Variants in SIGLEC6 observed in about 807,000 individuals in gnomAD.
The protein encoded by SIGLEC6 is sialic acid binding Ig like lectin 6.
In SIGLEC6, 31 loss-of-function variants were observed where a neutral mutation model predicts 41.4. That is an observed-to-expected ratio of 0.75 (90% confidence interval 0.56 to 1.01). SIGLEC6 has a LOEUF of 1.01. Ranked by LOEUF, SIGLEC6 falls within the 50% of genes least tolerant of loss-of-function variation. The probability of loss-of-function intolerance (pLI) is 0.00; values close to 1 mark genes in which losing one functional copy is unlikely to be tolerated. For synonymous variants in SIGLEC6, 217 were observed against 231.0 expected (o/e 0.94, Z 0.55); for missense variants, 555 against 558.6 (o/e 0.99, Z 0.06).
chr19:51,525,933 G>C (rs992044004), intron 7 of SIGLEC6, among the ~76,000 whole-genome samples: 1 of 152,032 alleles, frequency 6.6e-6, no homozygotes, highest in African/African-American at 2.4e-5. Context: ...CAAAGAGCCT[G>C]ATTTATTTGG....
intron 7 of SIGLEC6, among the ~76,000 whole-genome samples, chr19:51,524,119 G>A (rs1978789599): frequency 6.6e-6 from 1 of 152,122 alleles, no homozygotes; most frequent in Non-Finnish European, 1.5e-5. Flanking sequence ...GAGCAATCTG[G>A]TAGAATTAAA....
intron 4 of SIGLEC6, 76 bp from the exon 5 acceptor site, chr19:51,530,057 G>A: frequency 4.0e-6 from 6 of 1,486,944 alleles, no homozygotes; most frequent in Non-Finnish European, 5.4e-6. Flanking sequence ...CTCCTGTGGG[G>A]TCCACACTAG....
intron 7 of SIGLEC6, among the ~76,000 whole-genome samples, chr19:51,523,234 A>G (rs1257284449): frequency 1.3e-5 from 2 of 152,224 alleles, no homozygotes; most frequent in Non-Finnish European, 2.9e-5. Flanking sequence ...CGGCAGAAGA[A>G]AATAGCAATG....
rs1980392885 is a variant in SIGLEC6 at position 51,531,498 on chromosome 19, C to G, written c.89G>C (p.Arg30Thr). ...TGACTCTGGCCCCTCCAGCTGGAAT[C>G]TCCGCTCCTGAGCCAGGGCCCCTAT... ...LWAGALAQER[R>T]FQLEGPESLT... Residue 30 changes from arginine (R) to threonine (T), a missense_variant, in exon 2 of 8, where the codon AGA (arginine) becomes ACA (threonine). Coordinates refer to ENST00000425629, the MANE Select transcript of SIGLEC6 (RefSeq NM_001245.7). The G allele has an allele frequency of 6.2e-7, 1 of 1,613,856 alleles. No homozygotes were observed. The highest frequency in any genetic ancestry group is 8.5e-7 in the Non-Finnish European group (1 of 1,179,866).
chr19:51,531,566 C>A lies in SIGLEC6; in HGVS notation c.67+16G>T. On this transcript the variant is annotated intron_variant, in intron 1 of 7. Coordinates refer to ENST00000425629, the MANE Select transcript of SIGLEC6 (RefSeq NM_001245.7). ...CTCGGCCCAGCCCCACGGCACCTCTCCCCTGGCCCACTCACCTGCCCACAG... is the reference window on the plus strand; with the variant it reads ...CTCGGCCCAGCCCCACGGCACCTCTACCCTGGCCCACTCACCTGCCCACAG... 1.2e-6 allele frequency: 2 copies of A among 1,613,976 alleles called. No individual in the cohort carries two copies. The highest frequency in any genetic ancestry group is 1.7e-6 in the Non-Finnish European group (2 of 1,179,924).
intron 7 of SIGLEC6, among the ~76,000 whole-genome samples, chr19:51,522,812 GA>G: frequency 6.6e-6 from 1 of 151,982 alleles, no homozygotes; most frequent in East Asian, 1.9e-4. Flanking sequence ...AAACTTAAAG[GA>G]AAACAGAACA....
At chr19:51,530,293 G>T in intron 4 of SIGLEC6, 144 bp downstream of exon 4, 1 of 788,098 alleles carries the variant, frequency 1.3e-6, no homozygotes, top group Non-Finnish European at 2.0e-6. Context: ...CCGAAGAGGC[G>T]ACAAAGGCTG....
At chr19:51,522,199 G>A (rs1978389078) in intron 7 of SIGLEC6, among the ~76,000 whole-genome samples, 1 of 152,230 alleles carries the variant, frequency 6.6e-6, no homozygotes. Flanking sequence ...CTGGAATGAA[G>A]GCAAATATAA....
Position 51,528,287 on chromosome 19 carries a change from A to T in SIGLEC6, c.1013-34T>A, listed in dbSNP as rs199874160. 1.9e-6 allele frequency: 3 copies of T among 1,568,616 alleles called. No individual in the cohort carries two copies. In the African/African-American group the frequency reaches 4.0e-5, roughly 21 times the overall value. On this transcript the variant is annotated intron_variant, in intron 5 of 7. Coordinates refer to ENST00000425629, the MANE Select transcript of SIGLEC6 (RefSeq NM_001245.7). ...TGAATTTTAAGTGAACTCCAGTTCTAATTCCAGGACATCCTCCCAACAGCC... is the reference window on the plus strand; with the variant it reads ...TGAATTTTAAGTGAACTCCAGTTCTTATTCCAGGACATCCTCCCAACAGCC...
chr19:51,527,816 T>A lies in SIGLEC6; in HGVS notation c.1119A>T (p.Arg373Ser). 1 of 1,614,142 alleles carries A rather than the reference T, an allele frequency of 6.2e-7. No individual in the cohort carries two copies. Among genetic ancestry groups the A allele is most frequent in the Non-Finnish European group, 8.5e-7 (1 of 1,180,010 alleles). ...GCACTGGCTGGGCTGCTTTCTTCCT[T>A]CTAGTCTTCACTCTGAGGGAACAGC... is the stretch of plus-strand genomic sequence containing the variant. ...CVCFIFRVKT[R>S]RKKAAQPVQN... Residue 373 changes from arginine to serine, a missense_variant, in exon 7 of 8, where the codon AGA becomes AGT. By Grantham distance (110) the Arg-to-Ser change is moderately radical. Coordinates refer to ENST00000425629, the MANE Select transcript of SIGLEC6 (RefSeq NM_001245.7).
In SIGLEC6 at chr19:51,530,942, T is replaced by C. The variant is rs886214989; in HGVS notation, c.445A>G (p.Asn149Asp). 6.2e-7 allele frequency: 1 copy of C among 1,612,046 alleles called. No individual in the cohort carries two copies. The highest frequency in any genetic ancestry group is 8.5e-7 in the Non-Finnish European group (1 of 1,179,922). The change falls in exon 3 of 8, where the codon AAC becomes GAC. Residue 149 changes from asparagine to aspartate, a missense_variant. Asn to Asp is a conservative substitution (Grantham distance 23). Transcript: ENST00000425629. ...VRVMALTHRPNISIPGTLESG... is the reference protein window; with the variant it reads ...VRVMALTHRPDISIPGTLESG... ...TCCAGGGTCCCTGGGATGGAGATGT[T>C]GGGCCTGTGGGTCAGGGCTGGTGAG...
chr19:51,530,619 G>T (rs1183454629), intron 3 of SIGLEC6, 62 bp downstream of exon 3: 1 of 1,608,838 alleles, frequency 6.2e-7, no homozygotes, highest in Non-Finnish European at 8.5e-7. Flanking sequence ...TTAAGCTCTG[G>T]CTCAGCCCTG....
In SIGLEC6 at chr19:51,518,645, TTAAGTGTAA is replaced by T. The variant is rs1461345284; in HGVS notation, c.*1428_*1436del. Among the ~76,000 whole-genome samples, 1 of 152,210 alleles carries T rather than the reference TTAAGTGTAA, an allele frequency of 6.6e-6. No homozygotes were observed. Among genetic ancestry groups the T allele is most frequent in the African/African-American group, 2.4e-5 (1 of 41,460 alleles). ...GTGAGCCACTGCTAACTGTGGTCTT[TTAAGTGTAA>T]TCTATCTTTTTATTTTTCATGGCTA... On this transcript the variant is annotated 3_prime_UTR_variant, in exon 8 of 8. Coordinates refer to ENST00000425629, the MANE Select transcript of SIGLEC6 (RefSeq NM_001245.7).
intron 5 of SIGLEC6, chr19:51,529,406 C>A: frequency 2.5e-6 from 1 of 399,554 alleles, no homozygotes; most frequent in Non-Finnish European, 4.7e-6. Context: ...TGTTCTGGGC[C>A]TCAAAGCTGA....
At chr19:51,527,986 C>A (rs946724104) in intron 6 of SIGLEC6, among the ~76,000 whole-genome samples, 158 bp from the exon 7 acceptor site, 1 of 152,188 alleles carries the variant, frequency 6.6e-6, no homozygotes, top group Non-Finnish European at 1.5e-5. Context: ...AAAGAGACCC[C>A]TTGCTTGGTT....
chr19:51,520,175 C>G lies in SIGLEC6; in HGVS notation c.1269G>C (p.Glu423Asp), dbSNP rs1311218618. ...EAGPISEDEQ[E>D]LHYAVLHFHK... ...GGAAGTGTAGGACAGCGTAGTGGAGCTCCTGCTCATCTTCTGAGATGGGGC... is the reference window on the plus strand; with the variant it reads ...GGAAGTGTAGGACAGCGTAGTGGAGGTCCTGCTCATCTTCTGAGATGGGGC... Residue 423 changes from glutamate (E) to aspartate (D), a missense_variant, in exon 8 of 8, where the codon GAG (glutamate) becomes GAC (aspartate). Coordinates refer to ENST00000425629, the MANE Select transcript of SIGLEC6 (RefSeq NM_001245.7). 1 of 1,609,064 alleles carries G rather than the reference C, an allele frequency of 6.2e-7. No individual in the cohort carries two copies. The highest frequency in any genetic ancestry group is 1.1e-5 in the South Asian group (1 of 90,532).
chr19:51,521,376 A>G (rs201086893), intron 7 of SIGLEC6, among the ~76,000 whole-genome samples: 20 of 151,776 alleles, frequency 1.3e-4, no homozygotes, highest in Admixed American at 6.6e-4. Context: ...GTGTGTGTGT[A>G]TATGTGTGTG....
rs1335648201 is a variant in SIGLEC6, at chr19:51,518,282, T to A, written c.*1800A>T. Among the ~76,000 whole-genome samples the A allele has an allele frequency of 1.3e-5, 2 of 152,214 alleles. No homozygotes were observed. Among genetic ancestry groups the A allele is most frequent in the Non-Finnish European group, 2.9e-5 (2 of 68,030 alleles). ...CTTTCTATTGCATTTAGCCTTCCAA[T>A]ATTGCTCCTAAAAAAGTCAGCTGTC... is the stretch of plus-strand genomic sequence containing the variant. On this transcript the variant is annotated 3_prime_UTR_variant, in exon 8 of 8. Transcript: ENST00000425629.
At chr19:51,530,030 G>T (rs751707533) in intron 4 of SIGLEC6, 49 bp from the exon 5 acceptor site, 2 of 1,528,910 alleles carry the variant, frequency 1.3e-6, no homozygotes, top group Non-Finnish European at 1.8e-6. Context: ...TAGGGGCAAA[G>T]CACTGGTGTC....
Sources: allele counts gnomAD v4.1 joint callset (sites outside exome capture counted in the v4.1 genomes callset), GRCh38; gene constraint gnomAD v4.1.1; transcripts MANE v1.5; gene names NCBI Gene and HGNC (gene_info 2026-07-23, HGNC 2026-07-21).